Variants in POMGNT1 observed in about 807,000 individuals in gnomAD.
POMGNT1 encodes protein O-linked-mannose beta-1,2-N-acetylglucosaminyltransferase 1.
POMGNT1 carries 67 observed loss-of-function variants against 95.6 expected under a neutral mutation model. That is an observed-to-expected ratio of 0.70 (90% CI 0.58 to 0.86). POMGNT1 has a LOEUF of 0.86. Ranked by LOEUF, POMGNT1 falls within the 40% of genes least tolerant of loss-of-function variation. The pLI, the probability that POMGNT1 is intolerant of heterozygous loss-of-function variation, is 0.00. For synonymous variants in POMGNT1, 298 were observed against 317.9 expected (o/e 0.94, Z 0.66); for missense variants, 719 against 855.2 (o/e 0.84, Z 1.99).
At chr1:46,209,538 TTTTTTTTTTTC>T (rs1468885433) in intron 1 of POMGNT1, among the ~76,000 whole-genome samples, 1 of 81,336 alleles carries the variant, frequency 1.2e-5, no homozygotes, top group Non-Finnish European at 3.1e-5. Context: ...TGTTGTTTTC[TTTTTTTTTTTC>T]TTTTTTTTTT....
intron 1 of POMGNT1, among the ~76,000 whole-genome samples, chr1:46,208,555 G>T: frequency 6.6e-6 from 1 of 152,106 alleles, no homozygotes; most frequent in South Asian, 2.1e-4. Context: ...CAAGATACCA[G>T]ATTGAGGGCC....
At chr1:46,202,906 T>TGGC (rs1553164803), upstream of POMGNT1, among the ~76,000 whole-genome samples, 22 of 7,574 alleles carry the variant, frequency 2.9e-3, 3 homozygotes, top group Admixed American at 9.3e-3. Context: ...TTCTAGCCCC[T>TGGC]GGGGGGGGGG....
intron 1 of POMGNT1, among the ~76,000 whole-genome samples, chr1:46,217,574 G>T (rs964564883): frequency 3.3e-5 from 5 of 152,138 alleles, no homozygotes; most frequent in Admixed American, 6.6e-5. Context: ...GTTAAATCCT[G>T]CCTGGGCGTG....
intron 17 of POMGNT1, chr1:46,191,136 G>C (rs575941732): frequency 1.1e-5 from 4 of 351,772 alleles, no homozygotes; most frequent in East Asian, 1.5e-4. Context: ...GCAAAGGGAC[G>C]GGCTGGGCTG....
In POMGNT1 at chr1:46,194,557, T is replaced by C. The variant is rs774008151; in HGVS notation, c.747A>G (p.Ala249=). 1.7e-5 allele frequency: 27 copies of C among 1,614,120 alleles called. No homozygotes were observed. The Admixed American group carries it at 4.0e-4, about 24-fold the overall frequency. ...LLKTDVPLSS[A]EEAECHWADT... is the part of the protein sequence containing the mutation. The stretch of plus-strand genomic sequence containing the variant: ...TCCATGCTCCACTAACTCCACCTTC[T>C]GCTGAGCTCAATGGCACATCTGTCT... Residue 249 remains alanine (A), a synonymous_variant, in exon 8 of 22, where the codon GCA becomes GCG. Coordinates refer to ENST00000371984, the MANE Select transcript of POMGNT1 (RefSeq NM_017739.4).
upstream of POMGNT1, among the ~76,000 whole-genome samples, chr1:46,202,934 T>TGTGTGTGG (rs1658590808): frequency 8.7e-6 from 1 of 115,350 alleles, no homozygotes; most frequent in Non-Finnish European, 1.7e-5. Flanking sequence ...TGTGTGTGTG[T>TGTGTGTGG]GTGTGTGTGT....
intron 6 of POMGNT1, 66 bp from the exon 7 acceptor site, chr1:46,195,027 A>G (rs1658118625): frequency 7.0e-7 from 1 of 1,426,084 alleles, no homozygotes; most frequent in African/African-American, 1.4e-5. Context: ...CTCACAGAGC[A>G]CGAACTATGT....
chr1:46,198,946 T>G (rs1332693818), upstream of POMGNT1, among the ~76,000 whole-genome samples: 1 of 118,058 alleles, frequency 8.5e-6, no homozygotes, highest in African/African-American at 2.7e-5. Flanking sequence ...ATTATTATTG[T>G]TTTTTTTTTA....
At chr1:46,201,653 G>T (rs536979359), upstream of POMGNT1, among the ~76,000 whole-genome samples, 1 of 147,310 alleles carries the variant, frequency 6.8e-6, no homozygotes, top group Non-Finnish European at 1.5e-5. Flanking sequence ...AGTCAAGATC[G>T]TGCCACTGCA....
chr1:46,217,790 G>A (rs534153307), intron 1 of POMGNT1, among the ~76,000 whole-genome samples: 1 of 152,244 alleles, frequency 6.6e-6, no homozygotes, highest in East Asian at 1.9e-4. Context: ...CCTGGAGGCG[G>A]AGGTTGCAGT....
intron 20 of POMGNT1, 71 bp downstream of exon 20, chr1:46,189,783 C>T: frequency 2.5e-6 from 4 of 1,602,872 alleles, no homozygotes; most frequent in Non-Finnish European, 2.6e-6. Flanking sequence ...AGAGCAAAGG[C>T]TCCCTGGATC....
intron 1 of POMGNT1, among the ~76,000 whole-genome samples, chr1:46,211,244 G>A (rs1431114212): frequency 6.6e-6 from 1 of 152,136 alleles, no homozygotes; most frequent in East Asian, 1.9e-4. Flanking sequence ...CAGGGTATGA[G>A]TCAGGACCTT....
rs146933218 is a variant in POMGNT1, at chr1:46,193,630, G to C, written c.960C>G (p.Arg320=). The C allele has an allele frequency of 2.6e-4, 417 of 1,614,078 alleles. No homozygotes were observed. The highest frequency in any genetic ancestry group is 3.2e-4 in the Non-Finnish European group (383 of 1,180,044). Residue 320 remains arginine, a synonymous_variant, in exon 11 of 22, where the codon CGC becomes CGG. Transcript: ENST00000371984. ...NRPNYLYRML[R]SLLSAQGVSP... The stretch of plus-strand genomic sequence containing the variant: ...ACACCCCCTGGGCTGAAAGCAGAGA[G>C]CGCAGCATCCTGGGGAGCCCAGGGA...
chr1:46,196,847 C>A lies in POMGNT1; in HGVS notation c.238G>T (p.Glu80Ter). The change falls in exon 4 of 22, where the codon GAG (glutamate) becomes TAG (stop). Residue 80 changes from glutamate to a stop codon, truncating the protein, a stop_gained and splice_region_variant. Transcript: ENST00000371984. LOFTEE classifies it high-confidence loss of function. This position sits in a 1 kb window ranked among gnomAD's most constrained non-coding sequence, Gnocchi z 4.4. ...EDPEPEQDYD[E>*]ALGRLEPPRR... ...GGGGGCTCCAGGCGGCCTAGGGCCTCATCTGTGGGGTACAACAGGTCATGG... is the reference window on the plus strand; with the variant it reads ...GGGGGCTCCAGGCGGCCTAGGGCCTAATCTGTGGGGTACAACAGGTCATGG... The A allele has an allele frequency of 6.2e-7, 1 of 1,614,170 alleles. No individual in the cohort carries two copies. Among genetic ancestry groups the A allele is most frequent in the Non-Finnish European group, 8.5e-7 (1 of 1,180,038 alleles).
chr1:46,202,742 C>T (rs566773523), upstream of POMGNT1, among the ~76,000 whole-genome samples: 1 of 150,824 alleles, frequency 6.6e-6, no homozygotes, highest in African/African-American at 2.4e-5. Flanking sequence ...TCTCAAGCCC[C>T]ACCCCAGATT....
rs754929107 is a variant in POMGNT1 at position 46,193,129 on chromosome 1, T to A, written c.1152+45A>T. 6 of 1,612,946 alleles carry A rather than the reference T, an allele frequency of 3.7e-6. No homozygotes were observed. The South Asian group carries it at 6.6e-5, about 18-fold the overall frequency. On this transcript the variant is annotated intron_variant, in intron 13 of 21. Transcript: ENST00000371984. Reference sequence around the variant, plus strand: ...GTAACAGGCCCAGACCTTATGCCCATGTTTCCCCCCTCCCAGGCCCAAGAG... The same window carrying A: ...GTAACAGGCCCAGACCTTATGCCCAAGTTTCCCCCCTCCCAGGCCCAAGAG...
upstream of POMGNT1, among the ~76,000 whole-genome samples, chr1:46,200,106 G>A (rs369739129): frequency 4.4e-4 from 67 of 152,292 alleles, 1 homozygote; most frequent in South Asian, 0.013. Flanking sequence ...GGAGACAGAA[G>A]TTGCAGTTGA....
chr1:46,194,793 C>G, intron 7 of POMGNT1, 51 bp downstream of exon 7: 1 of 1,613,386 alleles, frequency 6.2e-7, no homozygotes, highest in African/African-American at 1.3e-5. Context: ...TAGGGTTCTG[C>G]TCCTCCCAGG....
chr1:46,220,072 G>A (rs1281774442), exon 1 of POMGNT1: 1 of 1,614,268 alleles, frequency 6.2e-7, no homozygotes, highest in Admixed American at 1.7e-5. Flanking sequence ...GCAGCCACCA[G>A]GCTAGGGAGC....
Sources: gnomAD v4.1 joint callset for allele counts (sites outside exome capture counted in the v4.1 genomes callset) on GRCh38, gnomAD v4.1.1 for gene constraint, Gnocchi (gnomAD v3.1) non-coding constraint, MANE v1.5 for transcripts, NCBI Gene and HGNC (gene_info 2026-07-23, HGNC 2026-07-21) for gene names.